The following B3GALT1 variants were observed in gnomAD, a reference collection of about 807,000 sequenced individuals.
The protein encoded by B3GALT1 is beta-1,3-galactosyltransferase 1.
In B3GALT1, 10 loss-of-function variants were observed where a neutral mutation model predicts 23.2. The ratio of observed to expected loss-of-function variants is 0.43; its 90% CI spans 0.27 to 0.73. The LOEUF is 0.73. Ranked by LOEUF, B3GALT1 falls within the 30% of genes least tolerant of loss-of-function variation. The probability of loss-of-function intolerance (pLI) is 0.21; values close to 1 mark genes in which losing one functional copy is unlikely to be tolerated. For missense variants in B3GALT1, 299 were observed against 405.4 expected (o/e 0.74, Z 2.25); for synonymous variants, 156 against 141.5 (o/e 1.10, Z -0.73).
In B3GALT1 at chr2:167,547,693, C is replaced by CAAAAAAAAAAA. The variant is rs71031296; in HGVS notation, c.-410+57426_-410+57436dup. Reference sequence around the variant, plus strand: ...TGGGCAACAGAGCAAGACTCTGTCTCAAAAAAAAAAAAAAAAAAAAGAAGA... The same window carrying CAAAAAAAAAAA: ...TGGGCAACAGAGCAAGACTCTGTCTCAAAAAAAAAAAAAAAAAAAAAAAAAAAAAAAGAAGA... On this transcript the variant is annotated intron_variant, in intron 2 of 4. Transcript: ENST00000392690. Among the ~76,000 whole-genome samples, 161 of 75,446 alleles carry CAAAAAAAAAAA rather than the reference C, an allele frequency of 2.1e-3. 1 individual carries two copies. The highest frequency in any genetic ancestry group is 5.5e-3 in the African/African-American group (148 of 26,724). The allele number at this position is 75,446 out of a possible 152,430, so 49.5% of individuals were successfully genotyped here.
intron 2 of B3GALT1, among the ~76,000 whole-genome samples, chr2:167,598,854 C>T (rs1259556545): frequency 6.6e-6 from 1 of 152,112 alleles, no homozygotes; most frequent in African/African-American, 2.4e-5. Flanking sequence ...ACAATAAACT[C>T]GATCGTAAGA....
intron 1 of B3GALT1, among the ~76,000 whole-genome samples, chr2:167,434,527 A>G (rs75171378): frequency 6.6e-6 from 1 of 150,838 alleles, no homozygotes; most frequent in Non-Finnish European, 1.5e-5. Flanking sequence ...ACTCTGTAAA[A>G]AAAAAAAAAA....
intron 1 of B3GALT1, among the ~76,000 whole-genome samples, chr2:167,454,842 CAACTT>C (rs1175804074): frequency 6.6e-6 from 1 of 152,102 alleles, no homozygotes; most frequent in Non-Finnish European, 1.5e-5. Flanking sequence ...TAAAAACAAT[CAACTT>C]AACAAACATA....
intron 3 of B3GALT1, among the ~76,000 whole-genome samples, chr2:167,667,576 T>C (rs1259397322): frequency 6.6e-6 from 1 of 152,234 alleles, no homozygotes; most frequent in East Asian, 1.9e-4. Flanking sequence ...TTCCCGTCAC[T>C]TTGAGGTACA....
intron 1 of B3GALT1, among the ~76,000 whole-genome samples, chr2:167,299,583 A>C (rs2105478585): frequency 6.6e-6 from 1 of 152,294 alleles, no homozygotes; most frequent in Admixed American, 6.5e-5. Context: ...CTAATGATAA[A>C]CAGGAAAGGT....
intron 2 of B3GALT1, among the ~76,000 whole-genome samples, chr2:167,501,295 CA>C (rs1018109209): frequency 2.6e-5 from 4 of 151,158 alleles, no homozygotes; most frequent in Non-Finnish European, 5.9e-5. Context: ...TATTAAATAG[CA>C]AATGAAAGCA....
At position 167,809,183 on chromosome 2, in the gene B3GALT1, G is replaced by A. The variant is rs185548047; in HGVS notation, c.-351-9489G>A. Among the ~76,000 whole-genome samples, 279 of 152,210 alleles carry A rather than the reference G, an allele frequency of 1.8e-3. 2 individuals carry two copies. The highest frequency in any genetic ancestry group is 6.2e-3 in the African/African-American group (258 of 41,524). ...CATTGGTTATTCTAGTTAGCCATTC[G>A]TCTAATCTTTTTTCAAGGTTTTTAA... On this transcript the variant is annotated intron_variant, in intron 3 of 4. Transcript: ENST00000392690.
chr2:167,445,169 G>A (rs1698960212), intron 1 of B3GALT1, among the ~76,000 whole-genome samples: 1 of 152,212 alleles, frequency 6.6e-6, no homozygotes, highest in Non-Finnish European at 1.5e-5. Flanking sequence ...ATGTTGTTGA[G>A]CAGTTTGGAG....
intron 3 of B3GALT1, among the ~76,000 whole-genome samples, chr2:167,651,391 C>T (rs1358313821): frequency 6.6e-6 from 1 of 152,090 alleles, no homozygotes; most frequent in Non-Finnish European, 1.5e-5. Flanking sequence ...TACCCCAAAA[C>T]TGTCTTCTGA....
intron 2 of B3GALT1, among the ~76,000 whole-genome samples, chr2:167,526,249 A>G (rs1683218776): frequency 1.3e-5 from 2 of 152,148 alleles, no homozygotes; most frequent in African/African-American, 4.8e-5. Context: ...CTGTTTATAT[A>G]TTAAGGTAAA....
chr2:167,863,411 T>C (rs1690144431), intron 4 of B3GALT1, among the ~76,000 whole-genome samples: 1 of 152,202 alleles, frequency 6.6e-6, no homozygotes, highest in South Asian at 2.1e-4. Context: ...ACCATCTGCC[T>C]GGACAGAACC....
At chr2:167,597,006 T>C (rs1384918926) in intron 2 of B3GALT1, among the ~76,000 whole-genome samples, 1 of 152,194 alleles carries the variant, frequency 6.6e-6, no homozygotes, top group Non-Finnish European at 1.5e-5. Flanking sequence ...TCCAAGGGCA[T>C]GCAATTAGTG....
At chr2:167,336,216 A>T (rs1697055700) in intron 1 of B3GALT1, among the ~76,000 whole-genome samples, 2 of 152,048 alleles carry the variant, frequency 1.3e-5, no homozygotes, top group African/African-American at 4.8e-5. Flanking sequence ...CCTGAATCCT[A>T]CTGTTTTATG....
At chr2:167,485,822 G>C (rs542719631) in intron 1 of B3GALT1, among the ~76,000 whole-genome samples, 1 of 152,150 alleles carries the variant, frequency 6.6e-6, no homozygotes, top group East Asian at 1.9e-4. Context: ...AGTGCCATTA[G>C]TTAGATTTTA....
At chr2:167,492,900 T>G (rs1699730879) in intron 2 of B3GALT1, among the ~76,000 whole-genome samples, 1 of 152,026 alleles carries the variant, frequency 6.6e-6, no homozygotes, top group Non-Finnish European at 1.5e-5. Context: ...TGTGTGTGTG[T>G]GTACCTAGTA....
At chr2:167,454,994 A>G (rs1488049272) in intron 1 of B3GALT1, among the ~76,000 whole-genome samples, 6 of 152,098 alleles carry the variant, frequency 3.9e-5, no homozygotes, top group African/African-American at 4.8e-5. Context: ...GCCCAGGGAC[A>G]CTCTCCCTGA....
chr2:167,836,940 G>A (rs1356194704), intron 4 of B3GALT1, among the ~76,000 whole-genome samples: 2 of 152,044 alleles, frequency 1.3e-5, no homozygotes, highest in African/African-American at 4.8e-5. Context: ...CTTCATAAGT[G>A]AAGGAGAAAT....
intron 2 of B3GALT1, among the ~76,000 whole-genome samples, chr2:167,511,738 G>A (rs1303641688): frequency 6.6e-6 from 1 of 151,702 alleles, no homozygotes; most frequent in African/African-American, 2.4e-5. Flanking sequence ...CTACTTTTCT[G>A]TATTTTGCAA....
In B3GALT1 at chr2:167,745,885, C is replaced by G. The variant is rs560438051; in HGVS notation, c.-351-72787C>G. Among the ~76,000 whole-genome samples the G allele has an allele frequency of 2.6e-5, 4 of 152,248 alleles. No homozygotes were observed. The East Asian group carries it at 7.7e-4, about 29-fold the overall frequency. On this transcript the variant is annotated intron_variant, in intron 3 of 4. Transcript: ENST00000392690. ...AAATATCATATCTCCTCTGTTATCT[C>G]TAGTCTGTCTTACTGGCACTTGAAT...
Sources: allele counts gnomAD v4.1 joint callset (sites outside exome capture counted in the v4.1 genomes callset), GRCh38; gene constraint gnomAD v4.1.1; transcripts MANE v1.5; gene names NCBI Gene and HGNC (gene_info 2026-07-23, HGNC 2026-07-21).